The following UVRAG variants were observed in gnomAD, a reference collection of about 807,000 sequenced individuals.
The protein encoded by UVRAG is UV radiation resistance associated.
A neutral mutation model predicts 78.0 loss-of-function variants in UVRAG; 19 were observed. The observed-to-expected ratio is 0.24, with a 90% CI of 0.17 to 0.36. The LOEUF (loss-of-function observed/expected upper bound fraction) is 0.36. UVRAG is among the 10% of genes least tolerant of loss of function. The pLI is 1.00. For synonymous variants in UVRAG, 323 were observed against 324.6 expected, an observed-to-expected ratio of 1.00 and a Z score of 0.05; for missense variants, 740 against 853.8, an observed-to-expected ratio of 0.87 and a Z score of 1.66.
intron 1 of UVRAG, among the ~76,000 whole-genome samples, chr11:75,819,805 C>T (rs1232164204): frequency 6.6e-6 from 1 of 151,862 alleles, no homozygotes; most frequent in Non-Finnish European, 1.5e-5. Context: ...CCTGTCTCTA[C>T]TAAAAATAGA....
chr11:75,904,338 T>C (rs770395830), intron 5 of UVRAG, among the ~76,000 whole-genome samples: 2 of 152,200 alleles, frequency 1.3e-5, no homozygotes, highest in Non-Finnish European at 2.9e-5. Context: ...TTGAGTGACA[T>C]GTAAATCTCT....
intron 8 of UVRAG, among the ~76,000 whole-genome samples, chr11:75,987,576 T>G (rs1270147543): frequency 6.6e-6 from 1 of 152,218 alleles, no homozygotes; most frequent in Non-Finnish European, 1.5e-5. Flanking sequence ...ATAGAAGTAG[T>G]ATCAGTGGAT....
intron 12 of UVRAG, among the ~76,000 whole-genome samples, chr11:76,061,503 T>C (rs1185017702): frequency 1.3e-5 from 2 of 152,178 alleles, no homozygotes; most frequent in Non-Finnish European, 2.9e-5. Context: ...GTCCACACTG[T>C]GTTTATGAGC....
intron 1 of UVRAG, among the ~76,000 whole-genome samples, chr11:75,821,346 T>TGCTA (rs930147555): frequency 3.9e-5 from 6 of 152,194 alleles, no homozygotes; most frequent in African/African-American, 7.2e-5. Flanking sequence ...TTTGTTTGTT[T>TGCTA]GCTAATTTGT....
chr11:75,960,798 A>G (rs943027861), intron 6 of UVRAG, among the ~76,000 whole-genome samples: 1 of 152,166 alleles, frequency 6.6e-6, no homozygotes, highest in Admixed American at 6.5e-5. Flanking sequence ...TAAGGAGACC[A>G]AGAAGCAAAA....
intron 13 of UVRAG, among the ~76,000 whole-genome samples, chr11:76,068,454 A>G (rs992137971): frequency 6.6e-6 from 1 of 152,046 alleles, no homozygotes; most frequent in Admixed American, 6.6e-5. Context: ...TAGGTTAACT[A>G]CTCTGAATCC....
At chr11:76,128,178 A>G (rs1952447740) in intron 14 of UVRAG, among the ~76,000 whole-genome samples, 1 of 152,204 alleles carries the variant, frequency 6.6e-6, no homozygotes, top group Non-Finnish European at 1.5e-5. Flanking sequence ...GTAGAGGATG[A>G]GCGAGTGTTA....
intron 1 of UVRAG, among the ~76,000 whole-genome samples, chr11:75,841,837 ATCTATTAC>A: frequency 1.3e-5 from 2 of 152,314 alleles, no homozygotes; most frequent in East Asian, 3.9e-4. Flanking sequence ...CCCTTTAATT[ATCTATTAC>A]TCCATAACAA....
chr11:75,895,510 A>G (rs1463810515), intron 5 of UVRAG, among the ~76,000 whole-genome samples: 1 of 151,920 alleles, frequency 6.6e-6, no homozygotes, highest in Non-Finnish European at 1.5e-5. Context: ...TTTCATTAAA[A>G]TAAATACTGG....
chr11:76,034,569 A>G (rs559906687), intron 12 of UVRAG, among the ~76,000 whole-genome samples: 19 of 152,116 alleles, frequency 1.2e-4, no homozygotes, highest in African/African-American at 4.6e-4. Flanking sequence ...CTCTGTACCT[A>G]GCTTCTTTCT....
chr11:76,086,892 A>T (rs1032101249), intron 13 of UVRAG, among the ~76,000 whole-genome samples: 3 of 152,228 alleles, frequency 2.0e-5, no homozygotes, highest in South Asian at 4.1e-4. Flanking sequence ...ATGCTTAGTT[A>T]GTCATCTGAA....
chr11:76,020,376 A>G (rs1311111434), intron 12 of UVRAG, among the ~76,000 whole-genome samples: 2 of 152,052 alleles, frequency 1.3e-5, no homozygotes, highest in Non-Finnish European at 2.9e-5. Flanking sequence ...AGTCTCACCC[A>G]AGGCCCACAG....
intron 11 of UVRAG, among the ~76,000 whole-genome samples, chr11:76,010,625 T>C (rs745530598): frequency 6.6e-6 from 1 of 152,190 alleles, no homozygotes; most frequent in African/African-American, 2.4e-5. Context: ...GGGTAAATCA[T>C]GTAATCTTTC....
chr11:76,072,180 A>C (rs1049260179), intron 13 of UVRAG, among the ~76,000 whole-genome samples: 1 of 152,160 alleles, frequency 6.6e-6, no homozygotes. Flanking sequence ...AGTTGAATAG[A>C]GGAGGAAGAA....
At chr11:75,945,188 T>G (rs754239696) in intron 6 of UVRAG, among the ~76,000 whole-genome samples, 15 of 152,162 alleles carry the variant, frequency 9.9e-5, no homozygotes, top group Admixed American at 3.3e-4. Flanking sequence ...TCATTTTTAA[T>G]TCCGTGGGTG....
intron 13 of UVRAG, among the ~76,000 whole-genome samples, chr11:76,075,625 A>G (rs1406180500): frequency 2.6e-5 from 4 of 151,978 alleles, no homozygotes; most frequent in Non-Finnish European, 4.4e-5. Flanking sequence ...AAAAAAAAAA[A>G]GTATATAGTT....
At chr11:76,136,804 G>A (rs1317574587) in intron 14 of UVRAG, among the ~76,000 whole-genome samples, 1 of 152,024 alleles carries the variant, frequency 6.6e-6, no homozygotes, top group Non-Finnish European at 1.5e-5. Flanking sequence ...GGCCCATAGG[G>A]TTTCTTTAAA....
intron 12 of UVRAG, among the ~76,000 whole-genome samples, chr11:76,052,287 C>T (rs565523657): frequency 6.6e-6 from 1 of 152,282 alleles, no homozygotes; most frequent in East Asian, 1.9e-4. Flanking sequence ...TTTCCTTCAT[C>T]CCCCCGGTTA....
chr11:75,927,749 G>A lies in UVRAG; in HGVS notation c.593+15710G>A, dbSNP rs139243132. Among the ~76,000 whole-genome samples, 27 of 152,326 alleles carry A rather than the reference G, an allele frequency of 1.8e-4. No individual in the cohort carries two copies. The East Asian group carries it at 4.0e-3, about 23-fold the overall frequency. ...ATTTGGAGAAAGAACATTCCAGAGA[G>A]AAGAGATAGCAGGTAGGAATGAGTT... On this transcript the variant is annotated intron_variant, in intron 6 of 14. Transcript: ENST00000356136.
Sources: gnomAD v4.1 joint callset for allele counts (sites outside exome capture counted in the v4.1 genomes callset) on GRCh38, gnomAD v4.1.1 for gene constraint, MANE v1.5 for transcripts, NCBI Gene and HGNC (gene_info 2026-07-23, HGNC 2026-07-21) for gene names.